SLC7A8: variants seen among roughly 807,000 people sequenced by gnomAD.
SLC7A8 encodes the protein solute carrier family 7 member 8.
In SLC7A8, 30 loss-of-function variants were observed where a neutral mutation model predicts 51.2. The ratio of observed to expected loss-of-function variants is 0.59; its 90% CI spans 0.44 to 0.80. The LOEUF (loss-of-function observed/expected upper bound fraction) is 0.80, where lower values mean the gene tolerates loss of function less well. Ranked by LOEUF, SLC7A8 falls within the 30% of genes least tolerant of loss-of-function variation. SLC7A8 has a pLI of 0.00. For synonymous variants in SLC7A8, 257 were observed against 275.8 expected (o/e 0.93, Z 0.67); for missense variants, 612 against 674.4 (o/e 0.91, Z 1.03).
Position 23,127,494 on chromosome 14 carries a change from C to T in SLC7A8, c.1442-151G>A, listed in dbSNP as rs192536909. 5.4e-5 allele frequency: 47 copies of T among 865,324 alleles called. No individual in the cohort carries two copies. In the Admixed American group the frequency reaches 1.2e-3, roughly 22 times the overall value. The allele number at this position is 865,324 out of a possible 1,614,324, so 53.6% of individuals were successfully genotyped here. ...AAGAGAATCCTCGCCACCTGGTCTG[C>T]CTCCTGCATCTCCCGCCGGCTACTC... is the stretch of plus-strand genomic sequence containing the variant. On this transcript the variant is annotated intron_variant, in intron 10 of 10. Transcript: ENST00000316902.
chr14:23,125,751 G>GA lies in SLC7A8; in HGVS notation c.*1425dup, dbSNP rs1228507406. ...TAAGCAGACAGAATTCGGGGTGGGG[G>GA]AGAGAATCCCGATTTGTGATAAAAG... On this transcript the variant is annotated 3_prime_UTR_variant, in exon 11 of 11. Coordinates refer to ENST00000316902, the MANE Select transcript of SLC7A8 (RefSeq NM_012244.4). 1.2e-4 allele frequency: 19 copies of GA among 152,890 alleles called. No homozygotes were observed. Among genetic ancestry groups the GA allele is most frequent in the African/African-American group, 4.6e-4 (19 of 41,588 alleles). 9.5% of individuals were successfully genotyped at this position (152,890 alleles called of 1,614,324 possible). A position where few individuals can be genotyped will look rare whatever the true frequency, so the allele number is the denominator to read the frequency against.
At chr14:23,178,448 T>G (rs73600423) in intron 1 of SLC7A8, among the ~76,000 whole-genome samples, 14,199 of 152,172 alleles carry the variant, frequency 0.093, 1,372 homozygotes, top group African/African-American at 0.24. Context: ...ACTCCTAGCT[T>G]AAAGATTTTC....
At chr14:23,159,030 C>T (rs1048089997) in intron 3 of SLC7A8, among the ~76,000 whole-genome samples, 2 of 152,184 alleles carry the variant, frequency 1.3e-5, no homozygotes, top group African/African-American at 4.8e-5. Context: ...TTTCCAAGCA[C>T]TGTCTTCCCA....
intron 5 of SLC7A8, 66 bp from the exon 6 acceptor site, chr14:23,139,613 A>AG: frequency 6.4e-7 from 1 of 1,554,518 alleles, no homozygotes; most frequent in African/African-American, 1.4e-5. Flanking sequence ...CATGGAGTCC[A>AG]GGGGGTGTCT....
intron 3 of SLC7A8, among the ~76,000 whole-genome samples, chr14:23,164,886 G>C (rs1374511535): frequency 6.6e-6 from 1 of 152,112 alleles, no homozygotes; most frequent in Non-Finnish European, 1.5e-5. Context: ...CAGCAACTCG[G>C]GAGTCTGAGG....
At chr14:23,173,350 T>C (rs1371983849) in intron 1 of SLC7A8, among the ~76,000 whole-genome samples, 2 of 152,118 alleles carry the variant, frequency 1.3e-5, no homozygotes, top group Non-Finnish European at 2.9e-5. Flanking sequence ...GAGGGGAGTG[T>C]CAGACTGATG....
At chr14:23,144,991 G>T (rs1020320985) in intron 3 of SLC7A8, among the ~76,000 whole-genome samples, 1 of 148,966 alleles carries the variant, frequency 6.7e-6, no homozygotes, top group Non-Finnish European at 1.5e-5. Context: ...GGAGTGCAGT[G>T]GCGCGATCTC....
intron 1 of SLC7A8, among the ~76,000 whole-genome samples, chr14:23,177,287 C>T (rs532783128): frequency 2.6e-5 from 4 of 152,354 alleles, no homozygotes; most frequent in Admixed American, 2.0e-4. Context: ...CTGTAACCTA[C>T]TTTTGTACCA....
chr14:23,131,518 A>T lies in SLC7A8; in HGVS notation c.1056T>A (p.Ser352Arg). The stretch of plus-strand genomic sequence containing the variant: ...GCTTCACGTGGATCATGGCCAACAC[A>T]CTGGGAAGGTGGCCCTCTCGGGCTC... ...FAGAREGHLP[S>R]VLAMIHVKRC... The change falls in exon 8 of 11, where the codon AGT becomes AGA. Residue 352 changes from serine (S) to arginine (R), a missense_variant. Physicochemically the swap from Ser to Arg is moderately radical, Grantham distance 110. Coordinates refer to ENST00000316902, the MANE Select transcript of SLC7A8 (RefSeq NM_012244.4). 1 of 1,608,600 alleles carries T rather than the reference A, an allele frequency of 6.2e-7. No homozygotes were observed. The highest frequency in any genetic ancestry group is 1.1e-5 in the South Asian group (1 of 90,320).
At chr14:23,163,603 C>T (rs910516377) in intron 3 of SLC7A8, among the ~76,000 whole-genome samples, 2 of 152,114 alleles carry the variant, frequency 1.3e-5, no homozygotes, top group Non-Finnish European at 2.9e-5. Context: ...GTGATCTCTT[C>T]CTCCCCCATC....
intron 1 of SLC7A8, among the ~76,000 whole-genome samples, chr14:23,174,836 A>G (rs1202706682): frequency 6.6e-6 from 1 of 152,192 alleles, no homozygotes; most frequent in African/African-American, 2.4e-5. Flanking sequence ...CATGCTCTGT[A>G]TGCTCAGCGG....
chr14:23,162,879 C>T (rs903201857), intron 3 of SLC7A8, among the ~76,000 whole-genome samples: 16 of 152,034 alleles, frequency 1.1e-4, no homozygotes, highest in South Asian at 4.1e-4. Flanking sequence ...TGAACAGCCT[C>T]GGGGGTTCTT....
At position 23,183,034 on chromosome 14, in the gene SLC7A8, ACT is replaced by A. The variant is rs1300896339; in HGVS notation, c.-122_-121del. 7.9e-7 allele frequency: 1 copy of A among 1,265,586 alleles called. No homozygotes were observed. Among genetic ancestry groups the A allele is most frequent in the Non-Finnish European group, 1.1e-6 (1 of 901,886 alleles). 78.4% of individuals were successfully genotyped at this position (1,265,586 alleles called of 1,614,324 possible). On this transcript the variant is annotated 5_prime_UTR_variant, in exon 1 of 11. It removes the in-frame stop codon of an upstream open reading frame in the 5' UTR. Transcript: ENST00000316902. ...CTTTTCCGAAATAGGAACCACTGCTACTCTCTAAAAAAGGCAAGCAGATAAAA... is the reference window on the plus strand; with the variant it reads ...CTTTTCCGAAATAGGAACCACTGCTACTCTAAAAAAGGCAAGCAGATAAAA...
intron 3 of SLC7A8, chr14:23,155,047 G>A (rs1344618426): frequency 3.0e-6 from 2 of 675,048 alleles, no homozygotes; most frequent in Non-Finnish European, 4.5e-6. Flanking sequence ...CATAAACTGC[G>A]CTTTGATCCC....
chr14:23,170,423 T>TCTTC (rs748724471), intron 1 of SLC7A8, among the ~76,000 whole-genome samples: 1 of 152,010 alleles, frequency 6.6e-6, no homozygotes, highest in South Asian at 2.1e-4. Flanking sequence ...AACCTACCTA[T>TCTTC]CTTCCTTCCT....
At chr14:23,130,631 G>A (rs552342589) in intron 8 of SLC7A8, among the ~76,000 whole-genome samples, 18 of 152,338 alleles carry the variant, frequency 1.2e-4, no homozygotes, top group African/African-American at 4.3e-4. Flanking sequence ...CCCACTGGGA[G>A]TACTGTCTTC....
chr14:23,131,783 T>C (rs527584364), intron 7 of SLC7A8, among the ~76,000 whole-genome samples: 11 of 152,322 alleles, frequency 7.2e-5, no homozygotes, highest in African/African-American at 2.4e-4. Flanking sequence ...ACCCTGGGTA[T>C]GTTAGACCCT....
At chr14:23,137,879 C>A in intron 7 of SLC7A8, 42 bp downstream of exon 7, 1 of 1,606,744 alleles carries the variant, frequency 6.2e-7, no homozygotes, top group Non-Finnish European at 8.5e-7. Context: ...AAGTGCACAG[C>A]AGAGTGGCCC....
chr14:23,158,775 C>T (rs935520600), intron 3 of SLC7A8, among the ~76,000 whole-genome samples: 2 of 152,200 alleles, frequency 1.3e-5, no homozygotes, highest in Non-Finnish European at 2.9e-5. Context: ...CCAGCTGATT[C>T]TACTCCTAAA....
Sources: gnomAD v4.1 joint callset for allele counts (sites outside exome capture counted in the v4.1 genomes callset) on GRCh38, gnomAD v4.1.1 for gene constraint, MANE v1.5 for transcripts, NCBI Gene and HGNC (gene_info 2026-07-23, HGNC 2026-07-21) for gene names.